Variants in SLC22A15 observed in about 807,000 individuals in gnomAD.
SLC22A15 encodes the protein flipt 1.
Under a neutral mutation model 62.7 loss-of-function variants are expected in SLC22A15, and 45 were observed. The observed-to-expected ratio is 0.72, with a 90% confidence interval of 0.56 to 0.92. SLC22A15 has a LOEUF of 0.92. Ranked by LOEUF, SLC22A15 falls within the 40% of genes least tolerant of loss-of-function variation. The pLI is 0.00. For synonymous variants in SLC22A15, 264 were observed against 267.0 expected, an observed-to-expected ratio of 0.99 and a Z score of 0.11; for missense variants, 622 against 665.6, an observed-to-expected ratio of 0.93 and a Z score of 0.72.
intron 2 of SLC22A15, among the ~76,000 whole-genome samples, chr1:115,993,101 T>C (rs1192081174): frequency 6.6e-6 from 1 of 152,076 alleles, no homozygotes; most frequent in African/African-American, 2.4e-5. Context: ...AATCTGAGGG[T>C]AGATGGTCTG....
intron 8 of SLC22A15, among the ~76,000 whole-genome samples, chr1:116,056,986 A>T (rs1658226932): frequency 6.6e-6 from 1 of 152,018 alleles, no homozygotes; most frequent in African/African-American, 2.4e-5. Flanking sequence ...CATTCAGGAC[A>T]TAGGCATGGG....
At chr1:116,044,288 G>A (rs956686595) in intron 8 of SLC22A15, among the ~76,000 whole-genome samples, 1 of 152,218 alleles carries the variant, frequency 6.6e-6, no homozygotes, top group East Asian at 1.9e-4. Flanking sequence ...ACAAATGCAA[G>A]GTTGGTTTAA....
At chr1:116,048,950 ATTC>A (rs1314770392) in intron 8 of SLC22A15, among the ~76,000 whole-genome samples, 1 of 152,240 alleles carries the variant, frequency 6.6e-6, no homozygotes, top group African/African-American at 2.4e-5. Flanking sequence ...CAGGGTAGCT[ATTC>A]TTATATCAGA....
At chr1:116,006,702 C>T (rs1656001605) in intron 2 of SLC22A15, among the ~76,000 whole-genome samples, 1 of 151,828 alleles carries the variant, frequency 6.6e-6, no homozygotes, top group Non-Finnish European at 1.5e-5. Context: ...GTCCTTATTG[C>T]TCTTTCTTGT....
chr1:116,058,516 T>TG (rs1298221062), intron 8 of SLC22A15, among the ~76,000 whole-genome samples: 1 of 152,148 alleles, frequency 6.6e-6, no homozygotes, highest in Non-Finnish European at 1.5e-5. Flanking sequence ...ACACTGCTGG[T>TG]GGGAATATAA....
chr1:116,051,693 A>G (rs1342662837), intron 8 of SLC22A15, among the ~76,000 whole-genome samples: 2 of 152,232 alleles, frequency 1.3e-5, no homozygotes, highest in African/African-American at 4.8e-5. Context: ...CAAATGCAAT[A>G]AAAACAAAGA....
intron 8 of SLC22A15, among the ~76,000 whole-genome samples, chr1:116,050,118 A>C (rs1297957805): frequency 2.0e-5 from 3 of 151,906 alleles, no homozygotes; most frequent in Admixed American, 6.6e-5. Flanking sequence ...AATTACCAAC[A>C]AAAAAAAGTC....
chr1:116,021,671 A>G (rs1190200440), intron 4 of SLC22A15, among the ~76,000 whole-genome samples: 1 of 152,194 alleles, frequency 6.6e-6, no homozygotes, highest in African/African-American at 2.4e-5. Context: ...AGAACCTGAT[A>G]CACAGTGCCA....
intron 1 of SLC22A15, among the ~76,000 whole-genome samples, chr1:115,981,154 A>G (rs115130310): frequency 0.014 from 2,094 of 152,278 alleles, 51 homozygotes; most frequent in African/African-American, 0.047. Flanking sequence ...TGGTTCTTCT[A>G]ACCTCCCTGG....
intron 7 of SLC22A15, among the ~76,000 whole-genome samples, chr1:116,036,530 C>A (rs536379911): frequency 6.6e-6 from 1 of 152,232 alleles, no homozygotes; most frequent in South Asian, 2.1e-4. Flanking sequence ...CAGATCTAGT[C>A]TTTGCCATGT....
intron 2 of SLC22A15, chr1:116,017,379 AAAAAAGAAAAG>A (rs1460450183): frequency 6.6e-6 from 1 of 151,926 alleles, no homozygotes; most frequent in African/African-American, 2.4e-5. Flanking sequence ...AAAAAAAAAA[AAAAAAGAAAAG>A]AAAAAAAAGG....
intron 2 of SLC22A15, among the ~76,000 whole-genome samples, chr1:116,004,528 A>T (rs1655882457): frequency 6.6e-6 from 1 of 152,244 alleles, no homozygotes; most frequent in Non-Finnish European, 1.5e-5. Flanking sequence ...ATATTGAACC[A>T]GCCTTGCATC....
intron 2 of SLC22A15, among the ~76,000 whole-genome samples, chr1:116,008,985 A>G (rs1026425132): frequency 6.6e-6 from 1 of 152,234 alleles, no homozygotes; most frequent in African/African-American, 2.4e-5. Flanking sequence ...GGAAGTAGTA[A>G]TGATTACATT....
Position 116,035,258 on chromosome 1 carries a change from A to C in SLC22A15, c.1016A>C (p.Asn339Thr). 1 of 1,613,364 alleles carries C rather than the reference A, an allele frequency of 6.2e-7. No individual in the cohort carries two copies. The highest frequency in any genetic ancestry group is 8.5e-7 in the Non-Finnish European group (1 of 1,179,564). The change falls in exon 7 of 12, where the codon AAC (asparagine) becomes ACC (threonine). Residue 339 changes from asparagine to threonine, a missense_variant. Physicochemically the swap from Asn to Thr is moderately conservative, Grantham distance 65. Transcript: ENST00000369503. ...GATCTAGGTGGAAGTATTTATGCCA[A>C]CCTGGCCCTGTCTGGCCTCATAGAG... ...AGDLGGSIYA[N>T]LALSGLIEIP... is the part of the protein sequence containing the mutation.
Position 115,976,730 on chromosome 1 carries a change from C to G in SLC22A15, c.87+16C>G, listed in dbSNP as rs775772568. ...GCTGCTGCAGGTAAGTCCCCGCGGCCCCGCAGCCGCATTTCCCTCTTCAGG... is the reference window on the plus strand; with the variant it reads ...GCTGCTGCAGGTAAGTCCCCGCGGCGCCGCAGCCGCATTTCCCTCTTCAGG... On this transcript the variant is annotated intron_variant, in intron 1 of 11. Coordinates refer to ENST00000369503, the MANE Select transcript of SLC22A15 (RefSeq NM_018420.3). 11 of 1,569,782 alleles carry G rather than the reference C, an allele frequency of 7.0e-6. No homozygotes were observed. The highest frequency in any genetic ancestry group is 9.5e-6 in the Non-Finnish European group (11 of 1,158,834).
intron 1 of SLC22A15, among the ~76,000 whole-genome samples, chr1:115,989,846 G>C (rs1432571229): frequency 6.6e-6 from 1 of 151,966 alleles, no homozygotes; most frequent in African/African-American, 2.4e-5. Flanking sequence ...CTCGCACATA[G>C]TTAGCATTAT....
At chr1:116,018,966 C>T (rs1171463825) in intron 2 of SLC22A15, among the ~76,000 whole-genome samples, 2 of 152,268 alleles carry the variant, frequency 1.3e-5, no homozygotes, top group Non-Finnish European at 2.9e-5. Flanking sequence ...TTGTTTATTC[C>T]TTCATCCATC....
At chr1:116,021,014 T>C (rs1157747072) in intron 4 of SLC22A15, 129 bp downstream of exon 4, 1 of 838,118 alleles carries the variant, frequency 1.2e-6, no homozygotes, top group African/African-American at 1.7e-5. Context: ...TTAGATTTGC[T>C]TTTCTGATTT....
intron 2 of SLC22A15, among the ~76,000 whole-genome samples, chr1:116,004,289 T>A (rs528922401): frequency 6.6e-6 from 1 of 152,266 alleles, no homozygotes; most frequent in Admixed American, 6.5e-5. Flanking sequence ...TGGTAATACT[T>A]TCTTTTGTGG....
Sources: gnomAD v4.1 joint callset for allele counts (sites outside exome capture counted in the v4.1 genomes callset) on GRCh38, gnomAD v4.1.1 for gene constraint, MANE v1.5 for transcripts, NCBI Gene and HGNC (gene_info 2026-07-23, HGNC 2026-07-21) for gene names.